ADAMTS16: variants seen among roughly 807,000 people sequenced by gnomAD.
ADAMTS16 encodes A disintegrin and metalloproteinase with thrombospondin motifs 16.
Under a neutral mutation model 145.8 loss-of-function variants are expected in ADAMTS16, and 94 were observed. The ratio of observed to expected loss-of-function variants is 0.64; its 90% CI spans 0.55 to 0.77. The LOEUF (loss-of-function observed/expected upper bound fraction) is 0.77. Among genes scored for constraint, ADAMTS16 ranks in the 30% least tolerant of loss-of-function variants. ADAMTS16 has a pLI of 0.00. For missense variants in ADAMTS16, 1,585 were observed against 1,591.5 expected, an observed-to-expected ratio of 1.00 and a Z score of 0.07; for synonymous variants, 659 against 604.3, an observed-to-expected ratio of 1.09 and a Z score of -1.33.
chr5:5,298,315 C>T (rs41407144), intron 18 of ADAMTS16, among the ~76,000 whole-genome samples: 3,500 of 152,326 alleles, frequency 0.023, 132 homozygotes, highest in African/African-American at 0.08. Context: ...TGTCTAATAA[C>T]TCATTCTACC....
chr5:5,268,295 G>A (rs1028332801), intron 18 of ADAMTS16, among the ~76,000 whole-genome samples: 4 of 152,144 alleles, frequency 2.6e-5, no homozygotes, highest in African/African-American at 9.7e-5. Context: ...CCCATGTAAA[G>A]TATCTGCCTC....
chr5:5,278,155 A>T (rs1738772359), intron 18 of ADAMTS16, among the ~76,000 whole-genome samples: 1 of 152,212 alleles, frequency 6.6e-6, no homozygotes, highest in African/African-American at 2.4e-5. Flanking sequence ...ATTGTACTTT[A>T]AAGCCATCTA....
chr5:5,234,297 A>G (rs1395418267), intron 12 of ADAMTS16, among the ~76,000 whole-genome samples: 2 of 152,210 alleles, frequency 1.3e-5, no homozygotes, highest in Admixed American at 6.5e-5. Flanking sequence ...TGGTGGAAAG[A>G]AATTTTGGTC....
chr5:5,281,200 T>G (rs537516251), intron 18 of ADAMTS16, among the ~76,000 whole-genome samples: 1 of 152,320 alleles, frequency 6.6e-6, no homozygotes, highest in African/African-American at 2.4e-5. Context: ...AGTTCCTAAT[T>G]TTGAAAATAC....
chr5:5,282,412 A>G (rs554260326), intron 18 of ADAMTS16, among the ~76,000 whole-genome samples: 1 of 152,206 alleles, frequency 6.6e-6, no homozygotes, highest in Non-Finnish European at 1.5e-5. Flanking sequence ...TATTCTTCCA[A>G]TGCCTACCAA....
In ADAMTS16 at chr5:5,239,665, C is replaced by A. The variant is rs1560963546; in HGVS notation, c.2279-16C>A. The A allele has an allele frequency of 6.2e-7, 1 of 1,610,640 alleles. No individual in the cohort carries two copies. Among genetic ancestry groups the A allele is most frequent in the Non-Finnish European group, 8.5e-7 (1 of 1,177,158 alleles). ...CTGGAATGAAAAGCTGTATCTTCCCCATTTCCTTTATCTAGAGTATTATCA... is the reference window on the plus strand; with the variant it reads ...CTGGAATGAAAAGCTGTATCTTCCCAATTTCCTTTATCTAGAGTATTATCA... On this transcript the variant is annotated splice_polypyrimidine_tract_variant and intron_variant, in intron 15 of 22. Coordinates refer to ENST00000274181, the MANE Select transcript of ADAMTS16 (RefSeq NM_139056.4).
At chr5:5,266,946 C>A (rs1375815077) in intron 18 of ADAMTS16, among the ~76,000 whole-genome samples, 2 of 152,192 alleles carry the variant, frequency 1.3e-5, no homozygotes, top group Non-Finnish European at 2.9e-5. Context: ...ATTGCCCTTA[C>A]CACCAACCAT....
chr5:5,188,738 G>T (rs1735578357), intron 6 of ADAMTS16, among the ~76,000 whole-genome samples: 1 of 152,158 alleles, frequency 6.6e-6, no homozygotes. Context: ...CTTTTTCTGT[G>T]CATGGTGGGG....
chr5:5,239,386 G>A (rs1381293641), intron 15 of ADAMTS16, 112 bp downstream of exon 15: 75 of 1,428,762 alleles, frequency 5.2e-5, no homozygotes, highest in South Asian at 7.4e-5. Flanking sequence ...CCGCTGCCTC[G>A]CTTCCTGCCT....
At chr5:5,295,634 C>T (rs1739499554) in intron 18 of ADAMTS16, among the ~76,000 whole-genome samples, 1 of 152,140 alleles carries the variant, frequency 6.6e-6, no homozygotes, top group South Asian at 2.1e-4. Flanking sequence ...CTCAGAATGA[C>T]TAAAGAAGAG....
chr5:5,303,898 C>G (rs936815682), intron 20 of ADAMTS16, 132 bp downstream of exon 20: 1 of 1,074,794 alleles, frequency 9.3e-7, no homozygotes, highest in Admixed American at 2.6e-5. Flanking sequence ...CTTGCACCTT[C>G]TCAGCTTCCA....
chr5:5,165,689 G>A (rs1044192046), intron 3 of ADAMTS16, among the ~76,000 whole-genome samples: 4 of 152,190 alleles, frequency 2.6e-5, no homozygotes, highest in Non-Finnish European at 5.9e-5. Context: ...CCAACTTGAT[G>A]AGCTCAGCAT....
At chr5:5,183,337 G>T (rs1017135114) in intron 4 of ADAMTS16, among the ~76,000 whole-genome samples, 14 of 152,214 alleles carry the variant, frequency 9.2e-5, no homozygotes, top group Admixed American at 5.2e-4. Flanking sequence ...AAAAGGGCGT[G>T]CATATCGGCA....
At chr5:5,235,615 A>C (rs1473372568) in intron 13 of ADAMTS16, among the ~76,000 whole-genome samples, 1 of 152,248 alleles carries the variant, frequency 6.6e-6, no homozygotes, top group African/African-American at 2.4e-5. Context: ...AACAATTTTG[A>C]AGCATAGTAT....
intron 4 of ADAMTS16, among the ~76,000 whole-genome samples, chr5:5,182,586 C>T (rs1489909163): frequency 6.6e-6 from 1 of 152,114 alleles, no homozygotes; most frequent in East Asian, 1.9e-4. Flanking sequence ...GCAGAATCTA[C>T]CAGACATCTT....
chr5:5,270,932 G>A (rs966128346), intron 18 of ADAMTS16, among the ~76,000 whole-genome samples: 2 of 152,096 alleles, frequency 1.3e-5, no homozygotes, highest in African/African-American at 4.8e-5. Flanking sequence ...ACAGCCCCGA[G>A]GGAATAAGCC....
At chr5:5,184,246 G>A (rs1437569997) in intron 4 of ADAMTS16, among the ~76,000 whole-genome samples, 1 of 151,208 alleles carries the variant, frequency 6.6e-6, no homozygotes, top group East Asian at 2.0e-4. Flanking sequence ...CCGATGCATG[G>A]ATGTACCACA....
chr5:5,257,160 G>A (rs1452569386), intron 17 of ADAMTS16, among the ~76,000 whole-genome samples: 2 of 152,148 alleles, frequency 1.3e-5, no homozygotes, highest in African/African-American at 4.8e-5. Flanking sequence ...ATTAATGCAT[G>A]AGTCAGTCAT....
intron 4 of ADAMTS16, among the ~76,000 whole-genome samples, chr5:5,185,036 G>A (rs182725501): frequency 1.3e-5 from 2 of 152,210 alleles, no homozygotes; most frequent in East Asian, 3.9e-4. Context: ...GCTCAGCCTG[G>A]GGTACAGACT....
Sources: allele counts gnomAD v4.1 joint callset (sites outside exome capture counted in the v4.1 genomes callset), GRCh38; gene constraint gnomAD v4.1.1; transcripts MANE v1.5; gene names NCBI Gene and HGNC (gene_info 2026-07-23, HGNC 2026-07-21).